The following PLCB1 variants were observed in gnomAD, a reference collection of about 807,000 sequenced individuals.
PLCB1 encodes the protein phospholipase C beta 1.
Under a neutral mutation model 161.8 loss-of-function variants are expected in PLCB1, and 46 were observed. The observed-to-expected ratio is 0.28, with a 90% CI of 0.22 to 0.36. The LOEUF is 0.36. Ranked by LOEUF, PLCB1 falls within the 10% of genes least tolerant of loss-of-function variation. PLCB1 has a pLI of 1.00. For synonymous variants in PLCB1, 517 were observed against 503.7 expected, an observed-to-expected ratio of 1.03 and a Z score of -0.35; for missense variants, 1,016 against 1,472.5, an observed-to-expected ratio of 0.69 and a Z score of 5.07.
intron 2 of PLCB1, among the ~76,000 whole-genome samples, chr20:8,223,676 TG>T (rs1381827480): frequency 6.6e-6 from 1 of 152,164 alleles, no homozygotes; most frequent in Non-Finnish European, 1.5e-5. Flanking sequence ...TCCAAATACT[TG>T]TAGAATTCAA....
chr20:8,536,398 T>A (rs1380887369), intron 3 of PLCB1, among the ~76,000 whole-genome samples: 7 of 152,190 alleles, frequency 4.6e-5, no homozygotes, highest in Admixed American at 4.6e-4. Context: ...TACTTCTCCA[T>A]CATTCATGCT....
chr20:8,676,372 A>AAAAGAAAGAAGAAAGAGAGACAAAG lies in PLCB1; in HGVS notation c.863-8549_863-8525dup, dbSNP rs1568556459. 3.2e-4 allele frequency among the ~76,000 whole-genome samples: 48 copies of AAAAGAAAGAAGAAAGAGAGACAAAG among 150,942 alleles called. No homozygotes were observed. In the East Asian group the frequency reaches 7.0e-3, roughly 22 times the overall value. On this transcript the variant is annotated intron_variant, in intron 9 of 31. Transcript: ENST00000338037. The stretch of plus-strand genomic sequence containing the variant: ...CAAGACTCTGTCTCAAGAAGAGAGA[A>AAAAGAAAGAAGAAAGAGAGACAAAG]AAAGAAAGAAGAAAGAGAGACAAAG...
chr20:8,823,115 C>T (rs1304953631), intron 31 of PLCB1, among the ~76,000 whole-genome samples: 7 of 152,068 alleles, frequency 4.6e-5, no homozygotes, highest in South Asian at 2.1e-4. Flanking sequence ...GCAAATACTA[C>T]ACCCCTTTTT....
At chr20:8,608,295 C>T (rs537121412) in intron 3 of PLCB1, among the ~76,000 whole-genome samples, 79 of 152,264 alleles carry the variant, frequency 5.2e-4, no homozygotes, top group African/African-American at 1.8e-3. Flanking sequence ...CCTAATATCA[C>T]AGGCAAATTT....
intron 3 of PLCB1, among the ~76,000 whole-genome samples, chr20:8,474,910 G>A (rs765212147): frequency 2.0e-5 from 3 of 151,946 alleles, no homozygotes; most frequent in Non-Finnish European, 4.4e-5. Flanking sequence ...GCTTTCACCT[G>A]AAGTTCGCCA....
At chr20:8,476,164 G>A (rs1982270486) in intron 3 of PLCB1, among the ~76,000 whole-genome samples, 1 of 152,196 alleles carries the variant, frequency 6.6e-6, no homozygotes, top group African/African-American at 2.4e-5. Flanking sequence ...GGGAGACCTA[G>A]TAGAGCAGCT....
intron 2 of PLCB1, among the ~76,000 whole-genome samples, chr20:8,294,920 A>C (rs976664780): frequency 1.3e-5 from 2 of 152,116 alleles, no homozygotes; most frequent in African/African-American, 4.8e-5. Flanking sequence ...CCACACTGGA[A>C]TATTACACTG....
intron 2 of PLCB1, among the ~76,000 whole-genome samples, chr20:8,264,775 ATTCT>A (rs1486180441): frequency 2.6e-5 from 4 of 152,036 alleles, no homozygotes; most frequent in Non-Finnish European, 4.4e-5. Flanking sequence ...CCTGATTTTG[ATTCT>A]TTATTAATGT....
chr20:8,721,363 T>C (rs1400177600), intron 14 of PLCB1, among the ~76,000 whole-genome samples: 1 of 152,220 alleles, frequency 6.6e-6, no homozygotes, highest in African/African-American at 2.4e-5. Context: ...TTAAATCAAT[T>C]TAGAACTTTC....
At chr20:8,245,699 CA>C (rs1452339295) in intron 2 of PLCB1, among the ~76,000 whole-genome samples, 1 of 151,806 alleles carries the variant, frequency 6.6e-6, no homozygotes, top group African/African-American at 2.4e-5. Flanking sequence ...TTATAAGAAT[CA>C]AAAAGACTAT....
chr20:8,692,001 C>T (rs766244205), intron 10 of PLCB1, among the ~76,000 whole-genome samples: 2 of 152,120 alleles, frequency 1.3e-5, no homozygotes, highest in Admixed American at 1.3e-4. Flanking sequence ...TGCACCTCTT[C>T]ATAAACCTTC....
intron 31 of PLCB1, among the ~76,000 whole-genome samples, chr20:8,841,076 G>A (rs1048295505): frequency 2.6e-5 from 4 of 152,172 alleles, no homozygotes; most frequent in African/African-American, 9.7e-5. Flanking sequence ...GACCTCAGGT[G>A]ATCTGCCCAT....
At chr20:8,681,330 G>C (rs1460162845) in intron 9 of PLCB1, among the ~76,000 whole-genome samples, 5 of 151,536 alleles carry the variant, frequency 3.3e-5, no homozygotes, top group Non-Finnish European at 7.4e-5. Context: ...TTAATCACAG[G>C]CATGGTTCAG....
At chr20:8,186,659 T>C (rs750799879) in intron 2 of PLCB1, among the ~76,000 whole-genome samples, 42 of 152,116 alleles carry the variant, frequency 2.8e-4, no homozygotes, top group Non-Finnish European at 4.6e-4. Flanking sequence ...GTCCAGATTC[T>C]CTGAGAAGCA....
chr20:8,543,286 G>A (rs1985405011), intron 3 of PLCB1, among the ~76,000 whole-genome samples: 1 of 152,108 alleles, frequency 6.6e-6, no homozygotes, highest in Admixed American at 6.6e-5. Flanking sequence ...CAAATGCCCA[G>A]GGCTCTGTGG....
intron 31 of PLCB1, among the ~76,000 whole-genome samples, chr20:8,843,847 T>TG (rs1317320289): frequency 6.6e-6 from 1 of 152,178 alleles, no homozygotes; most frequent in Non-Finnish European, 1.5e-5. Flanking sequence ...TTGGTTTTAA[T>TG]GGCTGTCACT....
intron 3 of PLCB1, among the ~76,000 whole-genome samples, chr20:8,596,113 C>T (rs2123123858): frequency 2.0e-5 from 3 of 151,868 alleles, no homozygotes; most frequent in African/African-American, 7.2e-5. Flanking sequence ...TAATTAGATC[C>T]CATTTGTCAA....
chr20:8,645,337 C>T (rs546843482), intron 4 of PLCB1, among the ~76,000 whole-genome samples: 1 of 152,202 alleles, frequency 6.6e-6, no homozygotes, highest in Admixed American at 6.5e-5. Context: ...GACATTATTT[C>T]ATTGAAGAGG....
At chr20:8,220,186 T>C (rs1021889501) in intron 2 of PLCB1, among the ~76,000 whole-genome samples, 1 of 152,152 alleles carries the variant, frequency 6.6e-6, no homozygotes, top group Non-Finnish European at 1.5e-5. Context: ...AAAACTGCGA[T>C]TGGTATCACA....
Sources: allele counts gnomAD v4.1 joint callset (sites outside exome capture counted in the v4.1 genomes callset), GRCh38; gene constraint gnomAD v4.1.1; transcripts MANE v1.5; gene names NCBI Gene and HGNC (gene_info 2026-07-23, HGNC 2026-07-21).